ROBO2: variants seen among roughly 807,000 people sequenced by gnomAD.
ROBO2 encodes roundabout guidance receptor 2.
ROBO2 carries 53 observed loss-of-function variants against 160.8 expected under a neutral mutation model. That is an observed-to-expected ratio of 0.33 (90% confidence interval 0.26 to 0.41). The LOEUF (loss-of-function observed/expected upper bound fraction) is 0.41, where lower values mean the gene tolerates loss of function less well. ROBO2 is among the 10% of genes least tolerant of loss of function. The probability of loss-of-function intolerance (pLI) is 1.00; values close to 1 mark genes in which losing one functional copy is unlikely to be tolerated. For missense variants in ROBO2, 1,577 were observed against 1,722.4 expected, an observed-to-expected ratio of 0.92 and a Z score of 1.49; for synonymous variants, 664 against 611.7, an observed-to-expected ratio of 1.09 and a Z score of -1.26.
At chr3:76,306,329 T>G (rs964379510) in intron 2 of ROBO2, among the ~76,000 whole-genome samples, 1 of 151,986 alleles carries the variant, frequency 6.6e-6, no homozygotes, top group Non-Finnish European at 1.5e-5. Flanking sequence ...CTCATACACA[T>G]TCAATCATTA....
At chr3:76,350,802 C>A (rs1576599485) in intron 2 of ROBO2, among the ~76,000 whole-genome samples, 1 of 151,856 alleles carries the variant, frequency 6.6e-6, no homozygotes, top group African/African-American at 2.4e-5. Flanking sequence ...ATAGAATTTG[C>A]CATCTCCTTT....
intron 2 of ROBO2, among the ~76,000 whole-genome samples, chr3:77,140,857 T>A (rs562534512): frequency 8.5e-5 from 13 of 152,336 alleles, no homozygotes; most frequent in African/African-American, 3.1e-4. Context: ...CTATAATAAC[T>A]CTTCTTTTTC....
chr3:76,567,620 G>GAGAT (rs1491185088), intron 2 of ROBO2, among the ~76,000 whole-genome samples: 1 of 33,272 alleles, frequency 3.0e-5, no homozygotes, highest in African/African-American at 8.0e-5. Context: ...CCAAACTACT[G>GAGAT]ATATATATAT....
At chr3:77,240,520 A>G (rs926505294) in intron 2 of ROBO2, among the ~76,000 whole-genome samples, 9 of 152,100 alleles carry the variant, frequency 5.9e-5, no homozygotes, top group African/African-American at 2.2e-4. Context: ...GCCAGCCCAG[A>G]GAGGGGCTCC....
At chr3:76,162,804 T>TTTTG (rs1354056639) in intron 2 of ROBO2, among the ~76,000 whole-genome samples, 11 of 152,172 alleles carry the variant, frequency 7.2e-5, no homozygotes, top group Non-Finnish European at 1.6e-4. Flanking sequence ...ATTTTTCTTA[T>TTTTG]TAGACATCCC....
chr3:77,493,137 C>T, intron 4 of ROBO2, 107 bp from the exon 5 acceptor site: 1 of 1,108,250 alleles, frequency 9.0e-7, no homozygotes, highest in South Asian at 1.3e-5. Context: ...GAGTTAGGTA[C>T]CTGTGTACCA....
intron 2 of ROBO2, among the ~76,000 whole-genome samples, chr3:76,862,606 C>T (rs913693934): frequency 6.6e-6 from 1 of 151,976 alleles, no homozygotes; most frequent in Admixed American, 6.6e-5. Flanking sequence ...CTCTGTGTCC[C>T]TGTGTCTTCA....
At chr3:77,088,013 C>G (rs1388055315) in intron 1 of ROBO2, among the ~76,000 whole-genome samples, 1 of 152,172 alleles carries the variant, frequency 6.6e-6, no homozygotes, top group East Asian at 1.9e-4. Flanking sequence ...TGCTGAGGCT[C>G]TACCTGTCAC....
At chr3:77,598,762 T>C (rs1253823507) in intron 19 of ROBO2, among the ~76,000 whole-genome samples, 3 of 152,108 alleles carry the variant, frequency 2.0e-5, no homozygotes, top group Non-Finnish European at 4.4e-5. Context: ...GTAGTTTCTG[T>C]GCCTGAGCAC....
intron 2 of ROBO2, among the ~76,000 whole-genome samples, chr3:76,054,932 T>C (rs1343444639): frequency 6.6e-6 from 1 of 152,086 alleles, no homozygotes; most frequent in Non-Finnish European, 1.5e-5. Flanking sequence ...CTTAAGTTGA[T>C]TGATTATCAA....
intron 2 of ROBO2, among the ~76,000 whole-genome samples, chr3:76,572,560 C>G (rs1265495193): frequency 6.6e-6 from 1 of 152,124 alleles, no homozygotes; most frequent in African/African-American, 2.4e-5. Flanking sequence ...ACAGATTAAT[C>G]TGATTTCTAA....
chr3:76,031,920 G>A (rs1231376078), intron 2 of ROBO2, among the ~76,000 whole-genome samples: 3 of 152,074 alleles, frequency 2.0e-5, no homozygotes, highest in Non-Finnish European at 4.4e-5. Context: ...CTATTGATTG[G>A]AATAGTTTCA....
At chr3:76,141,077 A>ATATATATATATATATAT (rs1553656028) in intron 2 of ROBO2, among the ~76,000 whole-genome samples, 14 of 105,946 alleles carry the variant, frequency 1.3e-4, no homozygotes, top group African/African-American at 2.1e-4. Context: ...ATATATATAT[A>ATATATATATATATATAT]AAATATATGT....
chr3:77,053,718 C>G (rs372675149), intron 1 of ROBO2, among the ~76,000 whole-genome samples: 10 of 152,248 alleles, frequency 6.6e-5, no homozygotes, highest in African/African-American at 2.4e-4. Context: ...AAAATTTAGG[C>G]AGCAGAAAAT....
chr3:76,320,796 C>T (rs549251034), intron 2 of ROBO2, among the ~76,000 whole-genome samples: 5 of 152,194 alleles, frequency 3.3e-5, no homozygotes, highest in South Asian at 2.1e-4. Flanking sequence ...TTGTTGATTG[C>T]GAAGTGTAAT....
At chr3:76,734,373 G>C (rs1261856327) in intron 2 of ROBO2, among the ~76,000 whole-genome samples, 1 of 152,142 alleles carries the variant, frequency 6.6e-6, no homozygotes, top group African/African-American at 2.4e-5. Context: ...TATAAACTGA[G>C]ATCCTACCAG....
chr3:76,934,958 A>ATTTTTTT (rs151316771), intron 2 of ROBO2, among the ~76,000 whole-genome samples: 2,458 of 146,730 alleles, frequency 0.017, 69 homozygotes, highest in Middle Eastern at 0.032. Flanking sequence ...AGGCTTCACA[A>ATTTTTTT]ATTTTTTTTT....
chr3:76,035,038 AT>A (rs1475215321), intron 2 of ROBO2, among the ~76,000 whole-genome samples: 4 of 152,052 alleles, frequency 2.6e-5, no homozygotes, highest in Non-Finnish European at 5.9e-5. Context: ...AATCTTCTTT[AT>A]AATCGCCTCC....
chr3:76,394,900 A>G (rs1314887585), intron 2 of ROBO2, among the ~76,000 whole-genome samples: 2 of 152,152 alleles, frequency 1.3e-5, no homozygotes, highest in African/African-American at 2.4e-5. Context: ...CCCCACTGTC[A>G]ACATTAGACA....
Sources: gnomAD v4.1 joint callset for allele counts (sites outside exome capture counted in the v4.1 genomes callset) on GRCh38, gnomAD v4.1.1 for gene constraint, MANE v1.5 for transcripts, NCBI Gene and HGNC (gene_info 2026-07-23, HGNC 2026-07-21) for gene names.